NELL1: variants seen among roughly 807,000 people sequenced by gnomAD.
The protein encoded by NELL1 is protein kinase C-binding protein NELL1.
A neutral mutation model predicts 107.4 loss-of-function variants in NELL1; 76 were observed. The observed-to-expected ratio is 0.71, with a 90% confidence interval of 0.59 to 0.86. NELL1 has a LOEUF of 0.86. Among genes scored for constraint, NELL1 ranks in the 40% least tolerant of loss-of-function variants. The pLI, the probability that NELL1 is intolerant of heterozygous loss-of-function variation, is 0.00. For missense variants in NELL1, 1,024 were observed against 1,005.5 expected (o/e 1.02, Z -0.25); for synonymous variants, 353 against 341.2 (o/e 1.03, Z -0.38).
intron 5 of NELL1, among the ~76,000 whole-genome samples, chr11:20,896,430 G>A (rs1046439672): frequency 6.6e-6 from 1 of 152,132 alleles, no homozygotes; most frequent in African/African-American, 2.4e-5. Context: ...GAATTGTGCT[G>A]CTATAACCGT....
At chr11:21,168,200 G>T (rs1452162237) in intron 13 of NELL1, among the ~76,000 whole-genome samples, 3 of 151,836 alleles carry the variant, frequency 2.0e-5, no homozygotes, top group Admixed American at 2.0e-4. Flanking sequence ...AAATTAAAAG[G>T]TCATCTCTGA....
chr11:21,267,418 C>A (rs1848656151), intron 14 of NELL1, among the ~76,000 whole-genome samples: 1 of 151,842 alleles, frequency 6.6e-6, no homozygotes, highest in Non-Finnish European at 1.5e-5. Flanking sequence ...TTAGATTAAC[C>A]ATATATGCAT....
intron 10 of NELL1, among the ~76,000 whole-genome samples, chr11:20,946,828 G>T (rs1385501565): frequency 6.6e-6 from 1 of 152,122 alleles, no homozygotes; most frequent in South Asian, 2.1e-4. Flanking sequence ...TCCAAACTGA[G>T]AATTCATTAA....
In NELL1 at chr11:20,845,486, C is replaced by T. The variant is rs1396281179; in HGVS notation, c.336-2097C>T. ...AGCCCTTTCAAGGTCATGTCCCTTCCCCAAGTAATTGCTTATTGGTCAAAG... is the reference window on the plus strand; with the variant it reads ...AGCCCTTTCAAGGTCATGTCCCTTCTCCAAGTAATTGCTTATTGGTCAAAG... On this transcript the variant is annotated intron_variant, in intron 3 of 19. Coordinates refer to ENST00000357134, the MANE Select transcript of NELL1 (RefSeq NM_006157.5). Among the ~76,000 whole-genome samples the T allele has an allele frequency of 3.9e-5, 6 of 152,080 alleles. No homozygotes were observed. The East Asian group carries it at 1.2e-3, about 29-fold the overall frequency.
chr11:21,048,968 C>T (rs948218178), intron 12 of NELL1, among the ~76,000 whole-genome samples: 6 of 152,044 alleles, frequency 3.9e-5, no homozygotes, highest in Admixed American at 2.6e-4. Context: ...TTCTCAAGAT[C>T]GATATCTGTG....
At chr11:20,838,168 C>T (rs529767667) in intron 3 of NELL1, among the ~76,000 whole-genome samples, 41 of 151,556 alleles carry the variant, frequency 2.7e-4, no homozygotes, top group African/African-American at 9.4e-4. Flanking sequence ...CCAAAAGTGA[C>T]AACCCTAGTA....
At chr11:21,195,451 T>G (rs1857131756) in intron 13 of NELL1, among the ~76,000 whole-genome samples, 1 of 152,002 alleles carries the variant, frequency 6.6e-6, no homozygotes, top group African/African-American at 2.4e-5. Context: ...CTTAGAGATA[T>G]TCCTATTCTT....
intron 13 of NELL1, among the ~76,000 whole-genome samples, chr11:21,180,733 T>C (rs1856809226): frequency 6.6e-6 from 1 of 151,724 alleles, no homozygotes; most frequent in Non-Finnish European, 1.5e-5. Context: ...TGAGTTTCCC[T>C]GTTCCTTTAC....
At chr11:21,407,311 G>A (rs1852260755) in intron 15 of NELL1, among the ~76,000 whole-genome samples, 1 of 152,020 alleles carries the variant, frequency 6.6e-6, no homozygotes, top group Non-Finnish European at 1.5e-5. Flanking sequence ...AACTACTCAG[G>A]AGGCTGAGGT....
chr11:21,466,868 C>G (rs954934046), intron 15 of NELL1, among the ~76,000 whole-genome samples: 7 of 151,566 alleles, frequency 4.6e-5, no homozygotes, highest in African/African-American at 1.5e-4. Context: ...TCCTAGATGC[C>G]TAGATGTTGA....
intron 2 of NELL1, among the ~76,000 whole-genome samples, chr11:20,776,886 C>T (rs1016172945): frequency 6.6e-6 from 1 of 152,282 alleles, no homozygotes; most frequent in East Asian, 1.9e-4. Context: ...GTCATGTGAC[C>T]TTGGGCAAGT....
chr11:21,536,368 T>A (rs528269685), intron 16 of NELL1, among the ~76,000 whole-genome samples: 56 of 152,318 alleles, frequency 3.7e-4, no homozygotes, highest in Admixed American at 5.9e-4. Flanking sequence ...GCCATGGGAC[T>A]GCACACTTCT....
chr11:20,793,143 G>C (rs191681456), intron 3 of NELL1, among the ~76,000 whole-genome samples: 2 of 151,816 alleles, frequency 1.3e-5, no homozygotes, highest in African/African-American at 2.4e-5. Flanking sequence ...TTTGGTCTTG[G>C]GGAAGCTGGA....
intron 4 of NELL1, among the ~76,000 whole-genome samples, chr11:20,878,657 T>C (rs1028092391): frequency 6.6e-6 from 1 of 152,218 alleles, no homozygotes; most frequent in Admixed American, 6.5e-5. Context: ...GATCTCATGA[T>C]TATCAGCATA....
intron 13 of NELL1, among the ~76,000 whole-genome samples, chr11:21,115,935 C>G (rs931968363): frequency 2.0e-5 from 3 of 151,716 alleles, no homozygotes; most frequent in Non-Finnish European, 4.4e-5. Flanking sequence ...CTTTAAAAAG[C>G]CTTCCTTTGA....
chr11:21,390,426 A>G (rs1015027301), intron 15 of NELL1, among the ~76,000 whole-genome samples: 2 of 150,292 alleles, frequency 1.3e-5, no homozygotes, highest in Non-Finnish European at 3.0e-5. Flanking sequence ...GAGTTTTTTC[A>G]GTTTTAGATG....
At chr11:21,032,176 G>T (rs1852978400) in intron 12 of NELL1, among the ~76,000 whole-genome samples, 1 of 151,704 alleles carries the variant, frequency 6.6e-6, no homozygotes, top group South Asian at 2.1e-4. Context: ...TCTAGGTCAG[G>T]CATTGTACTT....
intron 14 of NELL1, among the ~76,000 whole-genome samples, chr11:21,331,727 A>T (rs1850277434): frequency 6.6e-6 from 1 of 152,052 alleles, no homozygotes; most frequent in South Asian, 2.1e-4. Context: ...GCTTTGAAGT[A>T]TGTTCTAACC....
chr11:21,364,667 A>G (rs1228308450), intron 14 of NELL1, among the ~76,000 whole-genome samples: 1 of 152,176 alleles, frequency 6.6e-6, no homozygotes, highest in Non-Finnish European at 1.5e-5. Flanking sequence ...TCTTTAATAA[A>G]AATTTTATTT....
Sources: gnomAD v4.1 joint callset for allele counts (sites outside exome capture counted in the v4.1 genomes callset) on GRCh38, gnomAD v4.1.1 for gene constraint, MANE v1.5 for transcripts, NCBI Gene and HGNC (gene_info 2026-07-23, HGNC 2026-07-21) for gene names.